Variants in ECEL1 observed in about 807,000 individuals in gnomAD.
ECEL1 encodes the protein endothelin-converting enzyme-like 1.
Under a neutral mutation model 101.8 loss-of-function variants are expected in ECEL1, and 87 were observed. That is an observed-to-expected ratio of 0.85 (90% CI 0.72 to 1.02). The LOEUF (loss-of-function observed/expected upper bound fraction) is 1.02, where lower values mean the gene tolerates loss of function less well. Among genes scored for constraint, ECEL1 ranks in the 50% least tolerant of loss-of-function variants. The pLI is 0.00. For synonymous variants in ECEL1, 487 were observed against 468.7 expected (o/e 1.04, Z -0.50); for missense variants, 1,032 against 1,079.2 (o/e 0.96, Z 0.61).
At position 232,485,270 on chromosome 2, in the gene ECEL1, G is replaced by A; in HGVS notation, c.787-3C>T. On this transcript the variant is annotated splice_region_variant and splice_polypyrimidine_tract_variant and intron_variant, in intron 2 of 17. Coordinates refer to ENST00000304546, the MANE Select transcript of ECEL1 (RefSeq NM_004826.4). ...AGGGTGAGCCCATCCTGGTCAATCT[G>A]GGGAGGGAGACAGGGGCCACAGGTC... is the stretch of plus-strand genomic sequence containing the variant. The A allele has an allele frequency of 6.2e-7, 1 of 1,613,102 alleles. No individual in the cohort carries two copies. The highest frequency in any genetic ancestry group is 8.5e-7 in the Non-Finnish European group (1 of 1,179,918).
At position 232,480,916 on chromosome 2, in the gene ECEL1, G is replaced by A. The variant is rs1304875164; in HGVS notation, c.2056-103C>T. 11 of 1,369,588 alleles carry A rather than the reference G, an allele frequency of 8.0e-6. No individual in the cohort carries two copies. The South Asian group carries it at 1.5e-4, about 19-fold the overall frequency. 84.8% of individuals were successfully genotyped at this position (1,369,588 alleles called of 1,614,324 possible). ...GCCCTCCCTGCTCTCCCTGTGAAGG[G>A]GGGCCCGTGAATCCTTCCTCTTCCA... On this transcript the variant is annotated intron_variant, in intron 15 of 17. Coordinates refer to ENST00000304546, the MANE Select transcript of ECEL1 (RefSeq NM_004826.4).
At chr2:232,484,392 C>T in intron 6 of ECEL1, 80 bp downstream of exon 6, 3 of 1,585,428 alleles carry the variant, frequency 1.9e-6, no homozygotes, top group South Asian at 1.1e-5. Context: ...AAATGTAAAG[C>T]CCACCCAGCA....
chr2:232,480,976 C>T (rs1690562761), intron 15 of ECEL1, 115 bp downstream of exon 15: 3 of 1,437,056 alleles, frequency 2.1e-6, no homozygotes, highest in African/African-American at 1.4e-5. Flanking sequence ...CCTGCCCCAC[C>T]CCAGGCCAGA....
chr2:232,480,525 A>C, intron 16 of ECEL1, 50 bp from the exon 17 acceptor site: 1 of 1,608,002 alleles, frequency 6.2e-7, no homozygotes, highest in South Asian at 1.1e-5. Flanking sequence ...GAAGCCAGGC[A>C]TCCGCCCCCT....
chr2:232,482,992 G>A, intron 9 of ECEL1, 38 bp from the exon 10 acceptor site: 2 of 1,613,174 alleles, frequency 1.2e-6, no homozygotes, highest in Non-Finnish European at 1.7e-6. Context: ...GGCAGGCCAG[G>A]GCAGGGCTAC....
Position 232,480,009 on chromosome 2 carries a change from G to T in ECEL1, c.*144C>A. 2.7e-6 allele frequency: 2 copies of T among 730,636 alleles called. No homozygotes were observed. The highest frequency in any genetic ancestry group is 3.6e-5 in the South Asian group (2 of 55,288). The allele number at this position is 730,636 out of a possible 1,614,324, so 45.3% of individuals were successfully genotyped here. On this transcript the variant is annotated 3_prime_UTR_variant, in exon 18 of 18. Coordinates refer to ENST00000304546, the MANE Select transcript of ECEL1 (RefSeq NM_004826.4). Reference sequence around the variant, plus strand: ...GCTCCAGGCCCCTCCTGAAGTGAGGGGCAGCAGGGGGACCGGGTCCTGGAG... The same window carrying T: ...GCTCCAGGCCCCTCCTGAAGTGAGGTGCAGCAGGGGGACCGGGTCCTGGAG...
intron 8 of ECEL1, 98 bp from the exon 9 acceptor site, chr2:232,483,277 G>T: frequency 1.3e-6 from 2 of 1,563,718 alleles, no homozygotes; most frequent in Non-Finnish European, 1.7e-6. Flanking sequence ...AGGCCAGCCT[G>T]GGAGTGGGCT....
chr2:232,486,786 C>A (rs1173849911), intron 1 of ECEL1, 32 bp from the exon 2 acceptor site: 3 of 1,021,610 alleles, frequency 2.9e-6, no homozygotes, highest in Non-Finnish European at 3.8e-6. Context: ...GCTCAGGAGG[C>A]GCCGCAGCCG....
At position 232,481,615 on chromosome 2, in the gene ECEL1, C is replaced by A; in HGVS notation, c.1880G>T (p.Arg627Leu). The A allele has an allele frequency of 6.2e-7, 1 of 1,613,698 alleles. No individual in the cohort carries two copies. Among genetic ancestry groups the A allele is most frequent in the Non-Finnish European group, 8.5e-7 (1 of 1,180,008 alleles). The change falls in exon 14 of 18, where the codon CGC becomes CTC. Residue 627 changes from arginine (R) to leucine (L), a missense_variant. Coordinates refer to ENST00000304546, the MANE Select transcript of ECEL1 (RefSeq NM_004826.4). ...CCACCAGTGCAGCAGGTTCCCTGAG[C>A]GGTCATACTGGCCCCCTGTGGGCAG... is the stretch of plus-strand genomic sequence containing the variant. The part of the protein sequence containing the change: ...GYDDWGGQYD[R>L]SGNLLHWWTE...
chr2:232,483,089 C>G lies in ECEL1; in HGVS notation c.1581+16G>C. The G allele has an allele frequency of 1.9e-6, 3 of 1,609,570 alleles. No homozygotes were observed. The East Asian group carries it at 6.7e-5, about 36-fold the overall frequency. The stretch of plus-strand genomic sequence containing the variant: ...AGGGGCTGTGGACAGGCTGGGCAGG[C>G]AGGGTCAGGGCCCACCTCATACTCC... On this transcript the variant is annotated intron_variant, in intron 9 of 17. Coordinates refer to ENST00000304546, the MANE Select transcript of ECEL1 (RefSeq NM_004826.4).
intron 9 of ECEL1, 55 bp from the exon 10 acceptor site, chr2:232,483,009 A>G: frequency 1.2e-6 from 2 of 1,612,238 alleles, no homozygotes; most frequent in South Asian, 1.1e-5. Flanking sequence ...CTACCTGCAG[A>G]CTGGGCAACA....
At position 232,484,022 on chromosome 2, in the gene ECEL1, G is replaced by A; in HGVS notation, c.1386C>T (p.Phe462=). 1 of 1,607,094 alleles carries A rather than the reference G, an allele frequency of 6.2e-7. No individual in the cohort carries two copies. The highest frequency in any genetic ancestry group is 2.2e-5 in the East Asian group (1 of 44,622). Residue 462 remains phenylalanine (F), a synonymous_variant, in exon 7 of 18, where the codon TTC becomes TTT. Transcript: ENST00000304546. ...CCACCTTGGCTTTGCTGGCAGCTGA[G>A]AAGTGCTCATGTACAAAGAGGGCGC... is the stretch of plus-strand genomic sequence containing the variant. The part of the protein sequence containing the change: ...ALGALFVHEH[F]SAASKAKVQQ...
intron 7 of ECEL1, 93 bp downstream of exon 7, chr2:232,483,907 GA>G: frequency 1.5e-6 from 2 of 1,358,870 alleles, no homozygotes; most frequent in Non-Finnish European, 2.0e-6. Context: ...GCCTGCAGGG[GA>G]CATGTGGGGC....
At chr2:232,482,359 A>T (rs1575075962) in intron 12 of ECEL1, 59 bp downstream of exon 12, 1 of 1,609,736 alleles carries the variant, frequency 6.2e-7, no homozygotes, top group East Asian at 2.2e-5. Context: ...CACCTGGTAG[A>T]CAAGGTCTGC....
At position 232,482,648 on chromosome 2, in the gene ECEL1, C is replaced by T. The variant is rs188634562; in HGVS notation, c.1686-40G>A. On this transcript the variant is annotated intron_variant, in intron 10 of 17. Coordinates refer to ENST00000304546, the MANE Select transcript of ECEL1 (RefSeq NM_004826.4). Reference sequence around the variant, plus strand: ...TGGGGTGAATGGGGGGAACACACTCCCTCCCCCGCTACCCTCACATCACAG... The same window carrying T: ...TGGGGTGAATGGGGGGAACACACTCTCTCCCCCGCTACCCTCACATCACAG... 4 of 1,584,190 alleles carry T rather than the reference C, an allele frequency of 2.5e-6. No individual in the cohort carries two copies. The African/African-American group carries it at 5.4e-5, about 21-fold the overall frequency.
In ECEL1 at chr2:232,481,671, GC is replaced by G. The variant is rs11285283; in HGVS notation, c.1865-42del. On this transcript the variant is annotated intron_variant, in intron 13 of 17. Transcript: ENST00000304546. ...CAGGCTGAGACCCACCCTCACCTGA[GC>G]CCCCTCCCCTCCCCACCCACCAGCC... The G allele has an allele frequency of 0.21, 343,926 of 1,602,030 alleles. 37,528 individuals are homozygous for G. Among genetic ancestry groups the G allele is most frequent in the East Asian group, 0.27 (11,808 of 44,394 alleles).
rs1406053015 is a variant in ECEL1, at chr2:232,480,169, T to G, written c.2312A>C (p.Lys771Thr). The change falls in exon 18 of 18, where the codon AAG becomes ACG. Residue 771 changes from lysine (K) to threonine (T), a missense_variant. Physicochemically the swap from Lys to Thr is moderately conservative, Grantham distance 78. Coordinates refer to ENST00000304546, the MANE Select transcript of ECEL1 (RefSeq NM_004826.4). The part of the protein sequence containing the change: ...PKDSPMNPAH[K>T]CSVW The stretch of plus-strand genomic sequence containing the variant: ...CAGCCAGGCTCACCACACGGAACAC[T>G]TGTGGGCAGGGTTCATGGGTGAGTC... 1 of 1,612,672 alleles carries G rather than the reference T, an allele frequency of 6.2e-7. No homozygotes were observed. The highest frequency in any genetic ancestry group is 8.5e-7 in the Non-Finnish European group (1 of 1,179,374).
chr2:232,485,296 A>C (rs1209292288), intron 2 of ECEL1, 29 bp from the exon 3 acceptor site: 1 of 1,609,664 alleles, frequency 6.2e-7, no homozygotes, highest in African/African-American at 1.3e-5. Context: ...GCCACAGGTC[A>C]GAGGCCCACA....
intron 1 of ECEL1, among the ~76,000 whole-genome samples, chr2:232,487,214 C>T (rs2106187786): frequency 6.6e-6 from 1 of 152,340 alleles, no homozygotes; most frequent in East Asian, 1.9e-4. Context: ...CGCAAAGCGG[C>T]CAAAGAACCA....
Sources: gnomAD v4.1 joint callset for allele counts (sites outside exome capture counted in the v4.1 genomes callset) on GRCh38, gnomAD v4.1.1 for gene constraint, MANE v1.5 for transcripts, NCBI Gene and HGNC (gene_info 2026-07-23, HGNC 2026-07-21) for gene names.